Variants in RBSN observed in about 807,000 individuals in gnomAD.
RBSN encodes rabenosyn-5.
RBSN carries 34 observed loss-of-function variants against 60.5 expected under a neutral mutation model. That is an observed-to-expected ratio of 0.56 (90% CI 0.43 to 0.75). The LOEUF (loss-of-function observed/expected upper bound fraction) is 0.75. Among genes scored for constraint, RBSN ranks in the 30% least tolerant of loss-of-function variants. The pLI is 0.00. For missense variants in RBSN, 845 were observed against 986.8 expected (o/e 0.86, Z 1.92); for synonymous variants, 322 against 366.9 (o/e 0.88, Z 1.40).
chr3:15,093,433 G>A (rs1362628760), intron 4 of RBSN, among the ~76,000 whole-genome samples: 3 of 151,960 alleles, frequency 2.0e-5, no homozygotes, highest in Non-Finnish European at 4.4e-5. Flanking sequence ...TCTTTTTTTT[G>A]AGACAGTTTC....
At chr3:15,083,418 C>T (rs2043257481) in intron 8 of RBSN, among the ~76,000 whole-genome samples, 1 of 152,096 alleles carries the variant, frequency 6.6e-6, no homozygotes. Context: ...GCAAATTTAC[C>T]CCAAACTTCC....
In RBSN at chr3:15,082,527, C is replaced by A; in HGVS notation, c.680G>T (p.Arg227Leu). The change falls in exon 9 of 14, where the codon CGC becomes CTC. Residue 227 changes from arginine (R) to leucine (L), a missense_variant. Coordinates refer to ENST00000253699, the MANE Select transcript of RBSN (RefSeq NM_022340.4). The surrounding 1 kb of genome is among the most constrained non-coding windows in gnomAD (Gnocchi z 4.2). ...SQSPNSVHGS[R>L]RGSISSMSSV... is the part of the protein sequence containing the mutation. ...GCTCATGCTGCTGATGCTGCCTCGG[C>A]GGGAGCCATGGACACTGTTGGGTGA... is the stretch of plus-strand genomic sequence containing the variant. 6.2e-7 allele frequency: 1 copy of A among 1,614,086 alleles called. No individual in the cohort carries two copies. Among genetic ancestry groups the A allele is most frequent in the South Asian group, 1.1e-5 (1 of 91,072 alleles).
intron 10 of RBSN, among the ~76,000 whole-genome samples, chr3:15,078,741 C>T (rs1218935383): frequency 9.7e-6 from 1 of 103,222 alleles, no homozygotes; most frequent in Non-Finnish European, 1.8e-5. Flanking sequence ...GCCTAGGCGA[C>T]AGAGCAAAAC....
intron 2 of RBSN, among the ~76,000 whole-genome samples, chr3:15,096,950 T>TCTCGGTTCAAGTGATCCTC (rs1478492004): frequency 2.0e-5 from 3 of 152,146 alleles, no homozygotes; most frequent in African/African-American, 7.2e-5. Flanking sequence ...GCCTCGACCT[T>TCTCGGTTCAAGTGATCCTC]CTCGGTTCAA....
In RBSN at chr3:15,080,817, A is replaced by T; in HGVS notation, c.841-15T>A. The T allele has an allele frequency of 6.2e-7, 1 of 1,612,980 alleles. No homozygotes were observed. Among genetic ancestry groups the T allele is most frequent in the Non-Finnish European group, 8.5e-7 (1 of 1,178,970 alleles). The stretch of plus-strand genomic sequence containing the variant: ...AGTCGTAATTTCTAAGAACAAAAAC[A>T]AAGAGGTAAGTGGTATGCTCAAGAT... On this transcript the variant is annotated splice_polypyrimidine_tract_variant and intron_variant, in intron 9 of 13. Transcript: ENST00000253699.
intron 4 of RBSN, among the ~76,000 whole-genome samples, chr3:15,093,751 G>A (rs1312396744): frequency 6.6e-6 from 1 of 152,108 alleles, no homozygotes; most frequent in African/African-American, 2.4e-5. Context: ...GCCCAGGCTG[G>A]AGTGCAGTGG....
chr3:15,098,476 AAATAAATAT>A (rs1392340751), intron 1 of RBSN, among the ~76,000 whole-genome samples: 3 of 53,892 alleles, frequency 5.6e-5, no homozygotes, highest in Non-Finnish European at 7.4e-5. Context: ...AAAATAAAAA[AAATAAATAT>A]AGCTACATGT....
Position 15,098,126 on chromosome 3 carries a change from A to G in RBSN, c.-352T>C, listed in dbSNP as rs2043715344. ...AAAAGAAATGCCTCTTACTCAGAGC[A>G]TCAGAATGGACTTCTCCTTCACAGC... On this transcript the variant is annotated 5_prime_UTR_variant, in exon 2 of 14. The change abolishes an upstream ATG in the 5' untranslated region. Coordinates refer to ENST00000253699, the MANE Select transcript of RBSN (RefSeq NM_022340.4). 6.6e-6 allele frequency: 1 copy of G among 152,378 alleles called. No homozygotes were observed. The highest frequency in any genetic ancestry group is 2.4e-5 in the African/African-American group (1 of 41,448). The allele number at this position is 152,378 out of a possible 1,614,324, so 9.4% of individuals were successfully genotyped here. A position where few individuals can be genotyped will look rare whatever the true frequency, so the allele number is the denominator to read the frequency against.
chr3:15,083,289 A>G (rs377165176), intron 8 of RBSN, among the ~76,000 whole-genome samples: 4 of 152,296 alleles, frequency 2.6e-5, no homozygotes, highest in South Asian at 4.1e-4. Flanking sequence ...AGAAAGTATC[A>G]AGGTACAGTG....
chr3:15,080,019 T>C (rs931701300), intron 10 of RBSN, among the ~76,000 whole-genome samples: 6 of 151,812 alleles, frequency 4.0e-5, no homozygotes, highest in South Asian at 2.1e-4. Context: ...CCAAGGCGGG[T>C]GGATCACGAG....
At position 15,074,691 on chromosome 3, in the gene RBSN, C is replaced by T; in HGVS notation, c.1446G>A (p.Val482=). ...QAKAAGRMDE[V]RTLQENLRQL... ...GCCGCAGGTTCTCCTGCAGAGTGCG[C>T]ACTTCATCCATGCGGCCCGCGGCCT... is the stretch of plus-strand genomic sequence containing the variant. The change falls in exon 14 of 14, where the codon GTG becomes GTA. Residue 482 remains valine, a synonymous_variant. Coordinates refer to ENST00000253699, the MANE Select transcript of RBSN (RefSeq NM_022340.4). This position sits in a 1 kb window ranked among gnomAD's most constrained non-coding sequence, Gnocchi z 6.4. 1.2e-6 allele frequency: 2 copies of T among 1,614,260 alleles called. No homozygotes were observed. The highest frequency in any genetic ancestry group is 1.7e-6 in the Non-Finnish European group (2 of 1,180,044).
Position 15,097,192 on chromosome 3 carries a change from T to C in RBSN, c.-344-482A>G, listed in dbSNP as rs1008490709. On this transcript the variant is annotated intron_variant, in intron 2 of 13. Coordinates refer to ENST00000253699, the MANE Select transcript of RBSN (RefSeq NM_022340.4). ...TATAAGCCATTAAGTGACAGTTAAGTAGCAAACCTGATGTTCTCACTGCTT... is the reference window on the plus strand; with the variant it reads ...TATAAGCCATTAAGTGACAGTTAAGCAGCAAACCTGATGTTCTCACTGCTT... 6.6e-5 allele frequency among the ~76,000 whole-genome samples: 10 copies of C among 152,278 alleles called. 4 individuals carry two copies.
Position 15,082,331 on chromosome 3 carries a change from A to T in RBSN, c.840+36T>A. ...ACATAACAAACAGCCAAATCTGCCT[A>T]AGAAATTAGACCCAAGACCAGACAG... On this transcript the variant is annotated intron_variant, in intron 9 of 13. Transcript: ENST00000253699. The surrounding 1 kb of genome is among the most constrained non-coding windows in gnomAD (Gnocchi z 4.2). 6.3e-7 allele frequency: 1 copy of T among 1,595,202 alleles called. No homozygotes were observed. Among genetic ancestry groups the T allele is most frequent in the Non-Finnish European group, 8.6e-7 (1 of 1,164,426 alleles).
chr3:15,070,716 T>C lies in RBSN; in HGVS notation c.*3066A>G, dbSNP rs370756802. On this transcript the variant is annotated 3_prime_UTR_variant, in exon 14 of 14. Transcript: ENST00000253699. ...CCTGTGATGTATTTACAGGAGAAGA[T>C]AATCGTGGAAGAATTAAATGGAAGA... The C allele has an allele frequency of 1.3e-4, 20 of 152,770 alleles. No homozygotes were observed. In the East Asian group the frequency reaches 1.7e-3, roughly 13 times the overall value. 9.5% of individuals were successfully genotyped at this position (152,770 alleles called of 1,614,324 possible).
chr3:15,085,081 C>T (rs371861411), intron 6 of RBSN, 36 bp from the exon 7 acceptor site: 1 of 1,612,514 alleles, frequency 6.2e-7, no homozygotes, highest in Non-Finnish European at 8.5e-7. Flanking sequence ...TGAAATTAAC[C>T]AGGTGATGTA....
At position 15,082,615 on chromosome 3, in the gene RBSN, C is replaced by G; in HGVS notation, c.599-7G>C. 5 of 1,613,254 alleles carry G rather than the reference C, an allele frequency of 3.1e-6. No homozygotes were observed. The highest frequency in any genetic ancestry group is 4.2e-6 in the Non-Finnish European group (5 of 1,179,454). On this transcript the variant is annotated splice_region_variant and splice_polypyrimidine_tract_variant and intron_variant, in intron 8 of 13. Transcript: ENST00000253699. This position sits in a 1 kb window ranked among gnomAD's most constrained non-coding sequence, Gnocchi z 4.2. ...CTGGCACTGGTGAGCTTGTCTGTAA[C>G]CACAACACCAACAGGCAGCAATGAC...
rs375714701 is a variant in RBSN at position 15,078,198 on chromosome 3, T to G, written c.912-37A>C. 8 of 1,570,272 alleles carry G rather than the reference T, an allele frequency of 5.1e-6. No individual in the cohort carries two copies. In the South Asian group the frequency reaches 8.9e-5, roughly 17 times the overall value. The stretch of plus-strand genomic sequence containing the variant: ...CCAGAGACACGTGACCTAAGTTTCA[T>G]GGTGCAGATTGGACAGCATAGTGTA... On this transcript the variant is annotated intron_variant, in intron 10 of 13. Transcript: ENST00000253699.
intron 2 of RBSN, among the ~76,000 whole-genome samples, chr3:15,097,570 C>T (rs899827641): frequency 2.6e-5 from 4 of 152,040 alleles, no homozygotes; most frequent in African/African-American, 4.8e-5. Flanking sequence ...GGCCTAAACA[C>T]TTCAGGGCTT....
intron 12 of RBSN, among the ~76,000 whole-genome samples, chr3:15,076,576 A>T (rs924624201): frequency 2.6e-5 from 4 of 152,196 alleles, no homozygotes; most frequent in African/African-American, 9.6e-5. Context: ...CACAATTCAG[A>T]TCTAACCACT....
Sources: allele counts gnomAD v4.1 joint callset (sites outside exome capture counted in the v4.1 genomes callset), GRCh38; gene constraint gnomAD v4.1.1; non-coding constraint Gnocchi (gnomAD v3.1); transcripts MANE v1.5; gene names NCBI Gene and HGNC (gene_info 2026-07-23, HGNC 2026-07-21).